The following IGF2BP2 variants were observed in gnomAD, a reference collection of about 807,000 sequenced individuals.
IGF2BP2 encodes the protein insulin like growth factor 2 mRNA binding protein 2.
Under a neutral mutation model 75.8 loss-of-function variants are expected in IGF2BP2, and 17 were observed. The observed-to-expected ratio is 0.22, with a 90% CI of 0.15 to 0.34. The LOEUF (loss-of-function observed/expected upper bound fraction) is 0.34. Ranked by LOEUF, IGF2BP2 falls within the 10% of genes least tolerant of loss-of-function variation. The pLI is 1.00. For synonymous variants in IGF2BP2, 288 were observed against 295.6 expected, an observed-to-expected ratio of 0.97 and a Z score of 0.26; for missense variants, 516 against 772.4, an observed-to-expected ratio of 0.67 and a Z score of 3.93.
At chr3:185,646,265 G>A (rs543356172) in intron 15 of IGF2BP2, among the ~76,000 whole-genome samples, 22 of 152,292 alleles carry the variant, frequency 1.4e-4, no homozygotes, top group Admixed American at 1.3e-3. Context: ...AGGGCACTGG[G>A]CGGGGGGTGC....
intron 4 of IGF2BP2, among the ~76,000 whole-genome samples, chr3:185,694,079 T>C (rs1722275779): frequency 6.6e-6 from 1 of 152,200 alleles, no homozygotes; most frequent in African/African-American, 2.4e-5. Flanking sequence ...GGGAGTTGTA[T>C]GTAATGCTCA....
intron 2 of IGF2BP2, among the ~76,000 whole-genome samples, chr3:185,727,112 G>C (rs1379014622): frequency 2.0e-5 from 3 of 151,908 alleles, no homozygotes; most frequent in Non-Finnish European, 4.4e-5. Context: ...CAGCTACTCA[G>C]GAGGCTGAGG....
chr3:185,777,006 T>C (rs570002018), intron 2 of IGF2BP2, among the ~76,000 whole-genome samples: 7 of 152,274 alleles, frequency 4.6e-5, no homozygotes, highest in Admixed American at 3.9e-4. Flanking sequence ...AGGGTTAAAA[T>C]ACAATTATTC....
chr3:185,663,493 T>A (rs955119362), intron 10 of IGF2BP2, among the ~76,000 whole-genome samples: 2 of 152,138 alleles, frequency 1.3e-5, no homozygotes, highest in African/African-American at 4.8e-5. Flanking sequence ...AAAACACACT[T>A]GTGAAAATTA....
intron 6 of IGF2BP2, chr3:185,689,023 T>C (rs1348394541): frequency 4.7e-6 from 1 of 212,692 alleles, no homozygotes; most frequent in Non-Finnish European, 9.4e-6. Flanking sequence ...GGAAGAGCTA[T>C]GATGAGTGGG....
At position 185,801,284 on chromosome 3, in the gene IGF2BP2, G is replaced by C. The variant is rs541253755; in HGVS notation, c.239+21869C>G. 5.6e-4 allele frequency among the ~76,000 whole-genome samples: 86 copies of C among 152,252 alleles called. 1 individual carries two copies. In the Middle Eastern group the frequency reaches 0.014, roughly 24 times the overall value. On this transcript the variant is annotated intron_variant, in intron 2 of 15. Coordinates refer to ENST00000382199, the MANE Select transcript of IGF2BP2 (RefSeq NM_006548.6). ...GCAGGTGGATCACTTGAGGTCAGGA[G>C]TTCAAGACCAGCCTAACCAACATGG...
rs548586440 is a variant in IGF2BP2 at position 185,787,385 on chromosome 3, TA to T, written c.239+35767del. Among the ~76,000 whole-genome samples, 50 of 150,672 alleles carry T rather than the reference TA, an allele frequency of 3.3e-4. No homozygotes were observed. The South Asian group carries it at 4.2e-3, about 13-fold the overall frequency. ...TATTTAACGTTTGTTCAATACCCAC[TA>T]AAAAAAAATGAGTAGATATTTTCAT... is the stretch of plus-strand genomic sequence containing the variant. On this transcript the variant is annotated intron_variant, in intron 2 of 15. Transcript: ENST00000382199.
chr3:185,692,616 A>G (rs1722091941), intron 5 of IGF2BP2, 83 bp downstream of exon 5: 1 of 1,241,674 alleles, frequency 8.1e-7, no homozygotes, highest in African/African-American at 1.5e-5. Context: ...TCTTTTTAGA[A>G]AACATTTAAA....
chr3:185,722,135 T>C, intron 2 of IGF2BP2: 1 of 400,424 alleles, frequency 2.5e-6, no homozygotes, highest in Non-Finnish European at 4.9e-6. Context: ...TGTCTCACTA[T>C]GTTGCCCAGG....
intron 1 of IGF2BP2, among the ~76,000 whole-genome samples, chr3:185,823,843 G>T (rs1300841026): frequency 4.6e-5 from 7 of 151,806 alleles, no homozygotes; most frequent in Non-Finnish European, 7.4e-5. Flanking sequence ...GTGCTGGGGA[G>T]AGTTGGGGAG....
chr3:185,785,015 C>CA (rs1735675011), intron 2 of IGF2BP2, among the ~76,000 whole-genome samples: 1 of 152,010 alleles, frequency 6.6e-6, no homozygotes, highest in African/African-American at 2.4e-5. Flanking sequence ...TAACAGCTGA[C>CA]GTGGGACAGG....
chr3:185,713,125 G>T (rs1373853540), intron 2 of IGF2BP2: 16 of 294,628 alleles, frequency 5.4e-5, no homozygotes, highest in South Asian at 5.3e-4. Flanking sequence ...ATGTGTGTGT[G>T]TGTGTCTTGG....
chr3:185,665,444 AGGAGGAGGAGGAG>A (rs1717311145), intron 10 of IGF2BP2, among the ~76,000 whole-genome samples: 1 of 130,010 alleles, frequency 7.7e-6, no homozygotes, highest in South Asian at 2.7e-4. Context: ...GAGGAGAAGG[AGGAGGAGGAGGAG>A]AAGAAGAAGA....
chr3:185,792,906 A>C (rs1736846851), intron 2 of IGF2BP2, among the ~76,000 whole-genome samples: 1 of 151,698 alleles, frequency 6.6e-6, no homozygotes, highest in Non-Finnish European at 1.5e-5. Context: ...ACCACACAAG[A>C]CCCTCTCATG....
intron 2 of IGF2BP2, among the ~76,000 whole-genome samples, chr3:185,786,074 CTAAT>C (rs923485634): frequency 5.0e-5 from 7 of 140,806 alleles, no homozygotes; most frequent in South Asian, 2.2e-4. Context: ...CCCTAATGAG[CTAAT>C]TAAACTTTTT....
At chr3:185,743,848 C>T (rs559491885) in intron 2 of IGF2BP2, among the ~76,000 whole-genome samples, 6 of 152,290 alleles carry the variant, frequency 3.9e-5, no homozygotes, top group African/African-American at 9.6e-5. Flanking sequence ...CCTTCCACCA[C>T]ACGCAACAAT....
intron 2 of IGF2BP2, among the ~76,000 whole-genome samples, chr3:185,785,653 T>C (rs1369707260): frequency 1.3e-5 from 2 of 151,750 alleles, no homozygotes; most frequent in Non-Finnish European, 2.9e-5. Flanking sequence ...ACTCTGCCTC[T>C]AAAAATAAAA....
chr3:185,661,056 AGGATAAAAAG>A (rs1324942601), intron 10 of IGF2BP2, among the ~76,000 whole-genome samples: 2 of 152,242 alleles, frequency 1.3e-5, no homozygotes, highest in African/African-American at 2.4e-5. Flanking sequence ...TAGCTGTCAA[AGGATAAAAAG>A]GACAAATTCT....
intron 2 of IGF2BP2, among the ~76,000 whole-genome samples, chr3:185,706,432 G>A (rs1724031068): frequency 6.6e-6 from 1 of 152,068 alleles, no homozygotes; most frequent in African/African-American, 2.4e-5. Context: ...AAAAAGAAGT[G>A]GAAGGAGAAA....
Sources: allele counts gnomAD v4.1 joint callset (sites outside exome capture counted in the v4.1 genomes callset), GRCh38; gene constraint gnomAD v4.1.1; transcripts MANE v1.5; gene names NCBI Gene and HGNC (gene_info 2026-07-23, HGNC 2026-07-21).